PLEKHA6: variants seen among roughly 807,000 people sequenced by gnomAD.
PLEKHA6 encodes the protein pleckstrin homology domain-containing family A member 6.
In PLEKHA6, 60 loss-of-function variants were observed where a neutral mutation model predicts 116.7. The ratio of observed to expected loss-of-function variants is 0.51; its 90% CI spans 0.42 to 0.64. PLEKHA6 has a LOEUF of 0.64. PLEKHA6 is among the 30% of genes least tolerant of loss of function. PLEKHA6 has a pLI of 0.00. For synonymous variants in PLEKHA6, 489 were observed against 556.1 expected (o/e 0.88, Z 1.70); for missense variants, 1,338 against 1,422.7 (o/e 0.94, Z 0.96).
chr1:204,227,957 G>C (rs59608111), intron 21 of PLEKHA6, 126 bp downstream of exon 21: 2 of 998,620 alleles, frequency 2.0e-6, no homozygotes, highest in Non-Finnish European at 1.4e-6. Flanking sequence ...TCTCAACCTC[G>C]AGGAGCATCT....
chr1:204,371,305 C>T (rs1673770199), intron 2 of PLEKHA6, among the ~76,000 whole-genome samples: 1 of 152,208 alleles, frequency 6.6e-6, no homozygotes, highest in Admixed American at 6.5e-5. Context: ...CTCAAAGGCC[C>T]ATCTCAGATA....
chr1:204,259,683 G>C lies in PLEKHA6; in HGVS notation c.582C>G (p.Pro194=). The C allele has an allele frequency of 6.2e-7, 1 of 1,614,056 alleles. No homozygotes were observed. Among genetic ancestry groups the C allele is most frequent in the Non-Finnish European group, 8.5e-7 (1 of 1,179,972 alleles). The change falls in exon 8 of 23, where the codon CCC becomes CCG. Residue 194 remains proline (P), a synonymous_variant. Coordinates refer to ENST00000272203, the MANE Select transcript of PLEKHA6 (RefSeq NM_014935.5). The surrounding 1 kb of genome is among the most constrained non-coding windows in gnomAD (Gnocchi z 4.6). ...GCTCAGGCTTAGGGAGGCTGTTGTGGGGTGGCTGCTGGTGGTGCTTGCTGG... is the reference window on the plus strand; with the variant it reads ...GCTCAGGCTTAGGGAGGCTGTTGTGCGGTGGCTGCTGGTGGTGCTTGCTGG... ...VPPSKHHQQP[P]HNSLPKPEPE... is the part of the protein sequence containing the mutation.
intron 2 of PLEKHA6, chr1:204,368,630 A>T (rs1401923814): frequency 6.5e-6 from 1 of 152,708 alleles, no homozygotes; most frequent in Non-Finnish European, 1.5e-5. Flanking sequence ...CGCTCTCCCA[A>T]AACAGCCACC....
At chr1:204,339,436 A>G (rs1297685896) in intron 1 of PLEKHA6, among the ~76,000 whole-genome samples, 1 of 152,218 alleles carries the variant, frequency 6.6e-6, no homozygotes, top group African/African-American at 2.4e-5. Context: ...GGCTGTTACT[A>G]GGGAAATTGG....
chr1:204,353,623 G>T (rs1036161608), intron 1 of PLEKHA6, among the ~76,000 whole-genome samples: 1 of 152,114 alleles, frequency 6.6e-6, no homozygotes, highest in East Asian at 1.9e-4. Context: ...CTTTCAGGTC[G>T]CATTGCTTTA....
chr1:204,375,222 C>A (rs1449677851), intron 1 of PLEKHA6, among the ~76,000 whole-genome samples: 5 of 152,176 alleles, frequency 3.3e-5, no homozygotes, highest in Non-Finnish European at 7.4e-5. Flanking sequence ...CCTTTTCCAG[C>A]CCAGGCCTCT....
chr1:204,360,608 A>T (rs1673538548), upstream of PLEKHA6, among the ~76,000 whole-genome samples: 1 of 152,090 alleles, frequency 6.6e-6, no homozygotes, highest in Non-Finnish European at 1.5e-5. Context: ...TGATATAGGT[A>T]CTCAGATCAC....
intron 3 of PLEKHA6, among the ~76,000 whole-genome samples, chr1:204,365,559 C>A (rs1180973844): frequency 1.3e-5 from 2 of 152,180 alleles, no homozygotes; most frequent in Non-Finnish European, 2.9e-5. Context: ...CACAGAGAAG[C>A]AATGACTTCA....
At position 204,257,324 on chromosome 1, in the gene PLEKHA6, G is replaced by A. The variant is rs1192684069; in HGVS notation, c.1524+29C>T. 3 of 1,551,842 alleles carry A rather than the reference G, an allele frequency of 1.9e-6. No individual in the cohort carries two copies. The highest frequency in any genetic ancestry group is 2.6e-6 in the Non-Finnish European group (3 of 1,146,354). On this transcript the variant is annotated intron_variant, in intron 9 of 22. Coordinates refer to ENST00000272203, the MANE Select transcript of PLEKHA6 (RefSeq NM_014935.5). The surrounding 1 kb of genome is among the most constrained non-coding windows in gnomAD (Gnocchi z 6.5). ...TAGGCTTCTGGGGACCTCAGGGGATGAGGAAGGAAGGGCAGGCTGGTGGCT... is the reference window on the plus strand; with the variant it reads ...TAGGCTTCTGGGGACCTCAGGGGATAAGGAAGGAAGGGCAGGCTGGTGGCT...
intron 21 of PLEKHA6, among the ~76,000 whole-genome samples, chr1:204,225,691 C>T (rs1164888665): frequency 6.6e-6 from 1 of 152,214 alleles, no homozygotes; most frequent in Non-Finnish European, 1.5e-5. Flanking sequence ...TATGCTCCAA[C>T]ACCTTACCAT....
At chr1:204,329,284 G>C (rs1410265538) in intron 1 of PLEKHA6, among the ~76,000 whole-genome samples, 1 of 152,162 alleles carries the variant, frequency 6.6e-6, no homozygotes, top group African/African-American at 2.4e-5. Flanking sequence ...CTCTTTCCAG[G>C]ACCTTCAACC....
Position 204,257,335 on chromosome 1 carries a change from G to A in PLEKHA6, c.1524+18C>T, listed in dbSNP as rs202039741. ...GGACCTCAGGGGATGAGGAAGGAAGGGCAGGCTGGTGGCTCACCTTGGGGG... is the reference window on the plus strand; with the variant it reads ...GGACCTCAGGGGATGAGGAAGGAAGAGCAGGCTGGTGGCTCACCTTGGGGG... On this transcript the variant is annotated intron_variant, in intron 9 of 22. Transcript: ENST00000272203. This position sits in a 1 kb window ranked among gnomAD's most constrained non-coding sequence, Gnocchi z 6.5. The A allele has an allele frequency of 1.3e-6, 2 of 1,555,950 alleles. No individual in the cohort carries two copies. The highest frequency in any genetic ancestry group is 2.7e-5 in the African/African-American group (2 of 73,498).
chr1:204,241,510 C>A, intron 16 of PLEKHA6, 29 bp from the exon 17 acceptor site: 1 of 1,499,726 alleles, frequency 6.7e-7, no homozygotes, highest in Non-Finnish European at 9.1e-7. Flanking sequence ...GCCAGTGGGC[C>A]TCATGGAGAG....
In PLEKHA6 at chr1:204,257,993, T is replaced by C; in HGVS notation, c.1008-124A>G. On this transcript the variant is annotated intron_variant, in intron 8 of 22. Transcript: ENST00000272203. This position sits in a 1 kb window ranked among gnomAD's most constrained non-coding sequence, Gnocchi z 6.5. ...TTGAATAGGTACACAGGGGCTGAGG[T>C]TTATTCCAGAGATGAGGGAAAGACT... 1 of 802,704 alleles carries C rather than the reference T, an allele frequency of 1.2e-6. No individual in the cohort carries two copies. The highest frequency in any genetic ancestry group is 1.8e-5 in the South Asian group (1 of 54,284). 49.7% of individuals were successfully genotyped at this position (802,704 alleles called of 1,614,324 possible).
At chr1:204,351,635 C>T (rs1272453718) in intron 1 of PLEKHA6, among the ~76,000 whole-genome samples, 2 of 152,110 alleles carry the variant, frequency 1.3e-5, no homozygotes, top group African/African-American at 4.8e-5. Context: ...TGAAGTTTCT[C>T]AATTGAGCCA....
At chr1:204,323,157 A>C (rs1483095606) in intron 1 of PLEKHA6, among the ~76,000 whole-genome samples, 1 of 152,190 alleles carries the variant, frequency 6.6e-6, no homozygotes, top group Non-Finnish European at 1.5e-5. Flanking sequence ...AGGCCCTGAC[A>C]CTCAGTGCCC....
intron 1 of PLEKHA6, among the ~76,000 whole-genome samples, chr1:204,340,628 C>T (rs1473353835): frequency 6.6e-6 from 1 of 152,156 alleles, no homozygotes; most frequent in Non-Finnish European, 1.5e-5. Context: ...CCCCCAGGGC[C>T]ATGTCAGAGA....
intron 13 of PLEKHA6, among the ~76,000 whole-genome samples, chr1:204,246,215 C>T (rs1663653710): frequency 6.6e-6 from 1 of 152,166 alleles, no homozygotes; most frequent in Non-Finnish European, 1.5e-5. Flanking sequence ...TTTAGCATCC[C>T]TCAGCACCAG....
chr1:204,317,814 AAC>A (rs761647323), intron 1 of PLEKHA6, among the ~76,000 whole-genome samples: 2 of 152,156 alleles, frequency 1.3e-5, no homozygotes, highest in Non-Finnish European at 2.9e-5. Flanking sequence ...CTTTTGTTAA[AAC>A]ACACACACAC....
Sources: gnomAD v4.1 joint callset for allele counts (sites outside exome capture counted in the v4.1 genomes callset) on GRCh38, gnomAD v4.1.1 for gene constraint, Gnocchi (gnomAD v3.1) non-coding constraint, MANE v1.5 for transcripts, NCBI Gene and HGNC (gene_info 2026-07-23, HGNC 2026-07-21) for gene names.